GRM5: variants seen among roughly 807,000 people sequenced by gnomAD.
GRM5 encodes the protein metabotropic glutamate receptor 5.
Under a neutral mutation model 83.1 loss-of-function variants are expected in GRM5, and 19 were observed. The observed-to-expected ratio is 0.23, with a 90% CI of 0.16 to 0.34. The LOEUF is 0.34. Among genes scored for constraint, GRM5 ranks in the 10% least tolerant of loss-of-function variants. The pLI, the probability that GRM5 is intolerant of heterozygous loss-of-function variation, is 1.00. For missense variants in GRM5, 1,160 were observed against 1,588.3 expected, an observed-to-expected ratio of 0.73 and a Z score of 4.58; for synonymous variants, 675 against 633.6, an observed-to-expected ratio of 1.07 and a Z score of -0.98.
intron 2 of GRM5, among the ~76,000 whole-genome samples, chr11:89,026,541 C>T (rs1474281757): frequency 1.3e-5 from 2 of 152,110 alleles, no homozygotes; most frequent in African/African-American, 4.8e-5. Context: ...TTTACTGTGA[C>T]TTTGTAATAT....
At chr11:88,927,218 TG>T (rs1945804953) in intron 2 of GRM5, among the ~76,000 whole-genome samples, 1 of 148,460 alleles carries the variant, frequency 6.7e-6, no homozygotes, top group Non-Finnish European at 1.5e-5. Context: ...CTCCTCCTGT[TG>T]GCCTTATTTC....
At chr11:88,919,369 C>T (rs1590964287) in intron 2 of GRM5, among the ~76,000 whole-genome samples, 1 of 149,158 alleles carries the variant, frequency 6.7e-6, no homozygotes, top group African/African-American at 2.5e-5. Flanking sequence ...AATATATATG[C>T]GCCTAACACT....
Position 88,707,187 on chromosome 11 carries a change from T to C in GRM5, c.912-53784A>G, listed in dbSNP as rs554724392. On this transcript the variant is annotated intron_variant, in intron 3 of 9. Coordinates refer to ENST00000305447, the MANE Select transcript of GRM5 (RefSeq NM_001143831.3). Reference sequence around the variant, plus strand: ...CATTAGCTGTGTGATCTTGGATGGATTACTTAACTGTGCTTCAGTTTCTTT... The same window carrying C: ...CATTAGCTGTGTGATCTTGGATGGACTACTTAACTGTGCTTCAGTTTCTTT... Among the ~76,000 whole-genome samples the C allele has an allele frequency of 7.6e-4, 115 of 152,232 alleles. 1 individual carries two copies. Among genetic ancestry groups the C allele is most frequent in the African/African-American group, 2.8e-3 (115 of 41,574 alleles).
intron 5 of GRM5, among the ~76,000 whole-genome samples, chr11:88,597,955 C>G (rs1209826049): frequency 6.6e-6 from 1 of 151,960 alleles, no homozygotes; most frequent in East Asian, 1.9e-4. Flanking sequence ...GAGTTCTCAG[C>G]CTTTGCTAGC....
At chr11:88,991,769 T>C in intron 2 of GRM5, among the ~76,000 whole-genome samples, 1 of 152,066 alleles carries the variant, frequency 6.6e-6, no homozygotes, top group East Asian at 1.9e-4. Context: ...GGGAAAGGAT[T>C]CCCTATTTAA....
At chr11:88,958,687 C>T (rs1938697048) in intron 2 of GRM5, among the ~76,000 whole-genome samples, 1 of 152,180 alleles carries the variant, frequency 6.6e-6, no homozygotes, top group East Asian at 1.9e-4. Flanking sequence ...TTCATAACAC[C>T]TTTGCACTCC....
chr11:88,563,754 A>G (rs1037324163), intron 8 of GRM5, among the ~76,000 whole-genome samples: 5 of 152,224 alleles, frequency 3.3e-5, no homozygotes, highest in Non-Finnish European at 5.9e-5. Flanking sequence ...AAAATATTAG[A>G]AATACCTGAA....
chr11:88,994,968 T>G (rs536177226), intron 2 of GRM5, among the ~76,000 whole-genome samples: 3 of 152,280 alleles, frequency 2.0e-5, no homozygotes, highest in African/African-American at 7.2e-5. Context: ...ATGAAATTAT[T>G]TAAAGAATGT....
At chr11:88,963,113 CAAAA>C (rs1265294572) in intron 2 of GRM5, among the ~76,000 whole-genome samples, 1 of 151,592 alleles carries the variant, frequency 6.6e-6, no homozygotes, top group African/African-American at 2.4e-5. Flanking sequence ...AACAAACAAA[CAAAA>C]AAAACTTACC....
intron 4 of GRM5, among the ~76,000 whole-genome samples, chr11:88,613,429 A>G (rs899951441): frequency 6.6e-6 from 1 of 152,146 alleles, no homozygotes; most frequent in African/African-American, 2.4e-5. Flanking sequence ...TCTTGTTTGT[A>G]TTGTAACTTT....
intron 8 of GRM5, among the ~76,000 whole-genome samples, chr11:88,561,873 T>C (rs1237267810): frequency 6.6e-6 from 1 of 152,150 alleles, no homozygotes; most frequent in African/African-American, 2.4e-5. Flanking sequence ...CAATTTAACT[T>C]CACAGAAAAT....
intron 2 of GRM5, among the ~76,000 whole-genome samples, chr11:88,856,427 G>A (rs1336225376): frequency 6.6e-6 from 1 of 151,984 alleles, no homozygotes; most frequent in Non-Finnish European, 1.5e-5. Context: ...ATTGCCCACT[G>A]GAAGGCCTTT....
intron 3 of GRM5, among the ~76,000 whole-genome samples, chr11:88,696,264 T>C (rs1044991900): frequency 2.6e-5 from 4 of 152,098 alleles, no homozygotes; most frequent in African/African-American, 4.8e-5. Flanking sequence ...GGGTGTTCTC[T>C]TCTGCTCCTC....
intron 2 of GRM5, among the ~76,000 whole-genome samples, chr11:88,944,736 G>C (rs116616026): frequency 6.6e-6 from 1 of 151,734 alleles, no homozygotes; most frequent in Non-Finnish European, 1.5e-5. Context: ...ATCCAGCTAT[G>C]ACAAAACCAC....
chr11:88,901,160 G>A (rs1027588374), intron 2 of GRM5, among the ~76,000 whole-genome samples: 12 of 152,068 alleles, frequency 7.9e-5, no homozygotes, highest in African/African-American at 2.2e-4. Context: ...TGTGAGATCC[G>A]TGTGTGAGCT....
At chr11:88,686,269 C>T (rs772308282) in intron 3 of GRM5, among the ~76,000 whole-genome samples, 5 of 152,242 alleles carry the variant, frequency 3.3e-5, no homozygotes, top group Non-Finnish European at 5.9e-5. Flanking sequence ...GGAGTTGCAT[C>T]GGCCCTGTAA....
chr11:88,924,144 A>AAAAAT (rs1167618969), intron 2 of GRM5, among the ~76,000 whole-genome samples: 7 of 151,498 alleles, frequency 4.6e-5, no homozygotes, highest in African/African-American at 7.3e-5. Context: ...CAAAAAAAAA[A>AAAAAT]AATAAGAAAT....
At chr11:88,538,611 C>T (rs1296658783) in intron 8 of GRM5, among the ~76,000 whole-genome samples, 2 of 152,098 alleles carry the variant, frequency 1.3e-5, no homozygotes, top group Admixed American at 6.6e-5. Flanking sequence ...GATTTTTCCT[C>T]ACATTTTTAT....
intron 4 of GRM5, among the ~76,000 whole-genome samples, chr11:88,635,202 T>C (rs2135277257): frequency 6.6e-6 from 1 of 152,316 alleles, no homozygotes. Context: ...ATAGGATTGC[T>C]GTATCATAAG....
Sources: allele counts gnomAD v4.1 joint callset (sites outside exome capture counted in the v4.1 genomes callset), GRCh38; gene constraint gnomAD v4.1.1; transcripts MANE v1.5; gene names NCBI Gene and HGNC (gene_info 2026-07-23, HGNC 2026-07-21).